APP: variants seen among roughly 807,000 people sequenced by gnomAD.
APP encodes the protein amyloid-beta precursor protein.
In APP, 31 loss-of-function variants were observed where a neutral mutation model predicts 101.4. The ratio of observed to expected loss-of-function variants is 0.31; its 90% CI spans 0.23 to 0.41. APP has a LOEUF of 0.41. Among genes scored for constraint, APP ranks in the 10% least tolerant of loss-of-function variants. The probability of loss-of-function intolerance (pLI) is 1.00; values close to 1 mark genes in which losing one functional copy is unlikely to be tolerated. For synonymous variants in APP, 366 were observed against 364.4 expected, an observed-to-expected ratio of 1.00 and a Z score of -0.05; for missense variants, 839 against 1,003.7, an observed-to-expected ratio of 0.84 and a Z score of 2.22.
chr21:26,010,221 A>T, intron 6 of APP, among the ~76,000 whole-genome samples: 1 of 152,072 alleles, frequency 6.6e-6, no homozygotes, highest in Admixed American at 6.6e-5. Context: ...AACAAAAAAA[A>T]AAAAAAACAA....
intron 1 of APP, among the ~76,000 whole-genome samples, chr21:26,125,664 T>A (rs750719101): frequency 6.6e-6 from 1 of 151,704 alleles, no homozygotes; most frequent in Non-Finnish European, 1.5e-5. Context: ...GAATGTGAGT[T>A]TGTCCTGACG....
At chr21:26,062,730 T>C (rs1008987281) in intron 3 of APP, among the ~76,000 whole-genome samples, 1 of 151,648 alleles carries the variant, frequency 6.6e-6, no homozygotes, top group Non-Finnish European at 1.5e-5. Flanking sequence ...AAAAGATCCA[T>C]ATAGGTGTGG....
intron 11 of APP, among the ~76,000 whole-genome samples, chr21:25,972,451 G>A (rs2042067055): frequency 6.6e-6 from 1 of 151,780 alleles, no homozygotes; most frequent in Non-Finnish European, 1.5e-5. Flanking sequence ...TTTTTACCCA[G>A]CAAAAATATT....
intron 13 of APP, among the ~76,000 whole-genome samples, chr21:25,949,020 T>C (rs1220849958): frequency 1.3e-5 from 2 of 152,154 alleles, no homozygotes; most frequent in African/African-American, 4.8e-5. Flanking sequence ...AAAGAGGAGA[T>C]TTTATCTCTA....
chr21:26,084,515 A>C (rs1645182070), intron 3 of APP, among the ~76,000 whole-genome samples: 1 of 126 alleles, frequency 7.9e-3, no homozygotes, highest in East Asian at 0.1. Flanking sequence ...CTGGGATTAC[A>C]GGCGTGAGCA....
At chr21:26,162,376 T>C (rs2063509816) in intron 1 of APP, among the ~76,000 whole-genome samples, 1 of 151,930 alleles carries the variant, frequency 6.6e-6, no homozygotes, top group South Asian at 2.1e-4. Flanking sequence ...CATCCAATAG[T>C]AGGAGTAGAT....
intron 1 of APP, among the ~76,000 whole-genome samples, chr21:26,139,703 G>A (rs1317039723): frequency 1.3e-5 from 2 of 152,130 alleles, no homozygotes; most frequent in Non-Finnish European, 2.9e-5. Flanking sequence ...GACCATCCTG[G>A]CCAACATGAT....
intron 1 of APP, among the ~76,000 whole-genome samples, chr21:26,119,540 A>G (rs2062514484): frequency 1.3e-5 from 2 of 152,232 alleles, no homozygotes; most frequent in Admixed American, 1.3e-4. Flanking sequence ...TGTTCCAACT[A>G]CTAATGTTTA....
At position 25,997,417 on chromosome 21, in the gene APP, C is replaced by T. The variant is rs111559851; in HGVS notation, c.1034-1G>A. ...GTAGTCTTGAGTAAACTTTGGGACA[C>T]TATGGAAAAAATAAGAGAACATAAC... On this transcript the variant is annotated splice_acceptor_variant, in intron 7 of 17. Transcript: ENST00000346798. LOFTEE classifies it high-confidence loss of function. 1.2e-6 allele frequency: 2 copies of T among 1,611,816 alleles called. No homozygotes were observed. The highest frequency in any genetic ancestry group is 1.7e-6 in the Non-Finnish European group (2 of 1,178,148).
At chr21:25,962,266 C>A (rs953434821) in intron 11 of APP, among the ~76,000 whole-genome samples, 2 of 152,066 alleles carry the variant, frequency 1.3e-5, no homozygotes, top group Non-Finnish European at 2.9e-5. Flanking sequence ...TAAGAACAGG[C>A]ACCACCGAAA....
intron 6 of APP, among the ~76,000 whole-genome samples, chr21:26,008,876 T>C (rs908545800): frequency 7.9e-5 from 12 of 152,168 alleles, no homozygotes; most frequent in Non-Finnish European, 1.8e-4. Flanking sequence ...GGTTTTCCTT[T>C]TCAGTTTCTT....
chr21:25,998,821 C>A (rs1206556890), intron 7 of APP, among the ~76,000 whole-genome samples: 1 of 149,610 alleles, frequency 6.7e-6, no homozygotes, highest in African/African-American at 2.5e-5. Flanking sequence ...TAAATAAGCA[C>A]AATTGGGAAT....
At chr21:26,011,240 T>G (rs541705561) in intron 6 of APP, among the ~76,000 whole-genome samples, 1 of 152,050 alleles carries the variant, frequency 6.6e-6, no homozygotes, top group African/African-American at 2.4e-5. Flanking sequence ...CATGCCCGGC[T>G]AATTTTTATA....
intron 13 of APP, chr21:25,935,009 G>A (rs1192458731): frequency 6.6e-6 from 1 of 152,242 alleles, no homozygotes; most frequent in Non-Finnish European, 1.5e-5. Flanking sequence ...CAGCAAGGAA[G>A]TGGAAGGGCC....
intron 6 of APP, among the ~76,000 whole-genome samples, chr21:26,018,432 G>A (rs958036554): frequency 1.3e-5 from 2 of 152,184 alleles, no homozygotes; most frequent in Non-Finnish European, 2.9e-5. Flanking sequence ...CACCTATGGC[G>A]TTGCCATTGC....
chr21:25,889,389 A>C (rs562718202), intron 17 of APP, among the ~76,000 whole-genome samples: 3 of 152,344 alleles, frequency 2.0e-5, no homozygotes, highest in Admixed American at 2.0e-4. Flanking sequence ...CTTACACTCC[A>C]GAAATGTGAG....
At chr21:26,092,196 T>A (rs560223522) in intron 2 of APP, among the ~76,000 whole-genome samples, 1 of 152,142 alleles carries the variant, frequency 6.6e-6, no homozygotes. Context: ...ACATTAAAAA[T>A]TCTTAATCTC....
At chr21:25,890,514 G>T (rs1021155609) in intron 17 of APP, among the ~76,000 whole-genome samples, 5 of 152,158 alleles carry the variant, frequency 3.3e-5, no homozygotes, top group Non-Finnish European at 7.3e-5. Flanking sequence ...GCCAAGGCGG[G>T]TGGATCACCT....
At chr21:26,138,481 G>A (rs1262850139) in intron 1 of APP, among the ~76,000 whole-genome samples, 1 of 150,194 alleles carries the variant, frequency 6.7e-6, no homozygotes, top group Non-Finnish European at 1.5e-5. Context: ...CTTGAGCCCA[G>A]GAGTTCAACA....
Sources: gnomAD v4.1 joint callset for allele counts (sites outside exome capture counted in the v4.1 genomes callset) on GRCh38, gnomAD v4.1.1 for gene constraint, MANE v1.5 for transcripts, NCBI Gene and HGNC (gene_info 2026-07-23, HGNC 2026-07-21) for gene names.